RSRC1: variants seen among roughly 807,000 people sequenced by gnomAD.
The protein encoded by RSRC1 is arginine and serine rich coiled-coil 1.
In RSRC1, 39 loss-of-function variants were observed where a neutral mutation model predicts 49.1. The observed-to-expected ratio is 0.79, with a 90% CI of 0.61 to 1.04. The LOEUF is 1.04. Ranked by LOEUF, RSRC1 falls within the 50% of genes least tolerant of loss-of-function variation. The probability of loss-of-function intolerance (pLI) is 0.00; values close to 1 mark genes in which losing one functional copy is unlikely to be tolerated. For missense variants in RSRC1, 388 were observed against 402.4 expected, an observed-to-expected ratio of 0.96 and a Z score of 0.31; for synonymous variants, 143 against 130.8, an observed-to-expected ratio of 1.09 and a Z score of -0.63.
intron 3 of RSRC1, among the ~76,000 whole-genome samples, chr3:158,200,284 C>G (rs1355055247): frequency 6.6e-6 from 1 of 152,124 alleles, no homozygotes; most frequent in African/African-American, 2.4e-5. Flanking sequence ...GTGATCCCCT[C>G]ACCTCAGCCT....
chr3:158,200,122 C>G (rs890553370), intron 3 of RSRC1, among the ~76,000 whole-genome samples: 1 of 152,134 alleles, frequency 6.6e-6, no homozygotes, highest in Non-Finnish European at 1.5e-5. Context: ...ACTGCAAGCT[C>G]CGTCTCCCAG....
At chr3:158,401,040 C>A (rs1560026427) in intron 6 of RSRC1, among the ~76,000 whole-genome samples, 1 of 151,972 alleles carries the variant, frequency 6.6e-6, no homozygotes. Flanking sequence ...GTTACAACTA[C>A]CCATAGTATT....
intron 6 of RSRC1, among the ~76,000 whole-genome samples, chr3:158,433,352 T>G (rs886588038): frequency 1.3e-5 from 2 of 151,988 alleles, no homozygotes; most frequent in Admixed American, 6.6e-5. Context: ...AAGTGAGTCA[T>G]TTTTATTTTT....
At chr3:158,128,110 G>T (rs899430310) in intron 3 of RSRC1, among the ~76,000 whole-genome samples, 1 of 152,106 alleles carries the variant, frequency 6.6e-6, no homozygotes, top group Non-Finnish European at 1.5e-5. Context: ...TTTTGCTTTT[G>T]TTGGCACCCA....
chr3:158,272,892 C>G (rs1378039786), intron 4 of RSRC1, among the ~76,000 whole-genome samples: 8 of 151,958 alleles, frequency 5.3e-5, no homozygotes, highest in Admixed American at 5.2e-4. Flanking sequence ...CTCTCCTCAT[C>G]CAACTGTTAT....
At chr3:158,478,425 A>G (rs890806033) in intron 7 of RSRC1, among the ~76,000 whole-genome samples, 3 of 152,004 alleles carry the variant, frequency 2.0e-5, no homozygotes, top group African/African-American at 7.2e-5. Flanking sequence ...TTATTATACT[A>G]AAACTAGATA....
chr3:158,209,292 A>G (rs1268234419), intron 4 of RSRC1, among the ~76,000 whole-genome samples: 2 of 152,066 alleles, frequency 1.3e-5, no homozygotes, highest in African/African-American at 4.8e-5. Context: ...TCATGGGAGT[A>G]GGTTTCTTAT....
chr3:158,345,099 G>A (rs1407508018), intron 5 of RSRC1, among the ~76,000 whole-genome samples: 9 of 151,844 alleles, frequency 5.9e-5, no homozygotes, highest in Admixed American at 5.9e-4. Context: ...ATGGTGTCGG[G>A]CACCTGTAGT....
At chr3:158,273,906 T>C (rs1260665696) in intron 4 of RSRC1, among the ~76,000 whole-genome samples, 1 of 152,118 alleles carries the variant, frequency 6.6e-6, no homozygotes, top group East Asian at 1.9e-4. Context: ...TTGAGTCATG[T>C]TTGCTAACTG....
chr3:158,504,357 C>G (rs1261822452), intron 7 of RSRC1, among the ~76,000 whole-genome samples: 1 of 152,184 alleles, frequency 6.6e-6, no homozygotes, highest in Non-Finnish European at 1.5e-5. Flanking sequence ...TGCTGTCTGT[C>G]CATCCAGGTC....
At chr3:158,134,264 A>G (rs543868734) in intron 3 of RSRC1, among the ~76,000 whole-genome samples, 2 of 152,306 alleles carry the variant, frequency 1.3e-5, no homozygotes, top group Non-Finnish European at 2.9e-5. Context: ...TATTCTTTAC[A>G]GTAGTTTTAG....
intron 7 of RSRC1, among the ~76,000 whole-genome samples, chr3:158,526,693 A>C (rs1370058319): frequency 1.3e-5 from 2 of 152,028 alleles, no homozygotes; most frequent in Admixed American, 6.6e-5. Flanking sequence ...GTTCAGAGAA[A>C]TTAAGGCACA....
intron 5 of RSRC1, among the ~76,000 whole-genome samples, chr3:158,354,137 C>G (rs1731033188): frequency 6.6e-6 from 1 of 151,382 alleles, no homozygotes; most frequent in African/African-American, 2.4e-5. Flanking sequence ...ACTATAGGTG[C>G]ATGCCACCAT....
At chr3:158,292,084 T>G (rs1726968055) in intron 4 of RSRC1, among the ~76,000 whole-genome samples, 1 of 152,240 alleles carries the variant, frequency 6.6e-6, no homozygotes, top group Non-Finnish European at 1.5e-5. Flanking sequence ...ACCTGGTTTA[T>G]TTTGGACAAC....
At chr3:158,232,502 A>G (rs1723022602) in intron 4 of RSRC1, among the ~76,000 whole-genome samples, 1 of 152,112 alleles carries the variant, frequency 6.6e-6, no homozygotes, top group Admixed American at 6.6e-5. Flanking sequence ...TTGAAATTAG[A>G]TGTTTACATT....
intron 4 of RSRC1, among the ~76,000 whole-genome samples, chr3:158,295,183 G>A (rs1282242416): frequency 2.6e-5 from 4 of 152,080 alleles, no homozygotes; most frequent in African/African-American, 9.7e-5. Context: ...TTGAAGAATG[G>A]TTTAGGATGA....
rs756866968 is a variant in RSRC1, at chr3:158,122,277, G to A, written c.173G>A (p.Arg58His). The change falls in exon 2 of 10, where the codon CGT becomes CAT. Residue 58 changes from arginine to histidine, a missense_variant. Physicochemically the swap from Arg to His is conservative, Grantham distance 29. Transcript: ENST00000611884. ...TCTTGGTCCAGAGATCTTCAGCCTCGTTCACATTCTTATGATAGAAGGTGA... is the reference window on the plus strand; with the variant it reads ...TCTTGGTCCAGAGATCTTCAGCCTCATTCACATTCTTATGATAGAAGGTGA... ...SRSWSRDLQP[R>H]SHSYDRRRRH... The A allele has an allele frequency of 6.6e-5, 104 of 1,582,384 alleles. No homozygotes were observed. The highest frequency in any genetic ancestry group is 1.7e-4 in the Middle Eastern group (1 of 5,924).
chr3:158,200,542 T>A (rs182711111), intron 3 of RSRC1, among the ~76,000 whole-genome samples: 5 of 152,316 alleles, frequency 3.3e-5, no homozygotes, highest in Admixed American at 2.6e-4. Flanking sequence ...TTATTTTATG[T>A]CTTTCCCTTC....
chr3:158,361,007 C>T (rs540159044), intron 6 of RSRC1, among the ~76,000 whole-genome samples: 47 of 152,322 alleles, frequency 3.1e-4, no homozygotes, highest in African/African-American at 1.1e-3. Context: ...GAGATGTCTC[C>T]GCAAGCTCCC....
Sources: gnomAD v4.1 joint callset for allele counts (sites outside exome capture counted in the v4.1 genomes callset) on GRCh38, gnomAD v4.1.1 for gene constraint, MANE v1.5 for transcripts, NCBI Gene and HGNC (gene_info 2026-07-23, HGNC 2026-07-21) for gene names.